Variants in IL11RA observed in about 807,000 individuals in gnomAD.
IL11RA encodes interleukin 11 receptor subunit alpha.
A neutral mutation model predicts 57.0 loss-of-function variants in IL11RA; 51 were observed. The ratio of observed to expected loss-of-function variants is 0.89; its 90% CI spans 0.71 to 1.13. IL11RA has a LOEUF of 1.13. Ranked by LOEUF, IL11RA falls within the 50% of genes most tolerant of loss-of-function variation. The pLI is 0.00. For synonymous variants in IL11RA, 199 were observed against 217.5 expected (o/e 0.91, Z 0.75); for missense variants, 498 against 539.4 (o/e 0.92, Z 0.76).
intron 1 of IL11RA, among the ~76,000 whole-genome samples, chr9:34,654,590 A>G (rs1458992408): frequency 6.6e-6 from 1 of 152,178 alleles, no homozygotes; most frequent in Non-Finnish European, 1.5e-5. Context: ...CTGGAGACCA[A>G]CGAAGTGTCA....
chr9:34,655,065 C>A, intron 1 of IL11RA, 153 bp from the exon 2 acceptor site: 1 of 680,932 alleles, frequency 1.5e-6, no homozygotes, highest in Non-Finnish European at 2.7e-6. Context: ...GGAAAGGGGA[C>A]CTCAGGTCAG....
rs563182953 is a variant in IL11RA at position 34,661,812 on chromosome 9, T to A, written c.*314T>A. On this transcript the variant is annotated 3_prime_UTR_variant, in exon 13 of 13. Coordinates refer to ENST00000441545, the MANE Select transcript of IL11RA (RefSeq NM_001142784.3). Reference sequence around the variant, plus strand: ...TATGTAGGTGCCTGGGGAGTGTGTGTGGGTCCTTGGCTCTTGGCCTTTCCC... The same window carrying A: ...TATGTAGGTGCCTGGGGAGTGTGTGAGGGTCCTTGGCTCTTGGCCTTTCCC... 1.5e-4 allele frequency: 154 copies of A among 1,021,640 alleles called. No individual in the cohort carries two copies. The highest frequency in any genetic ancestry group is 1.6e-4 in the Non-Finnish European group (110 of 678,538). 63.3% of individuals were successfully genotyped at this position (1,021,640 alleles called of 1,614,324 possible).
Position 34,660,602 on chromosome 9 carries a change from T to C in IL11RA, c.1169+2T>C, listed in dbSNP as rs1587249551. ...TGGGGCCCTGGCACTGGGGCTCTGG[T>C]AAGTGACTGCCATTGGTCCCTCAGC... On this transcript the variant is annotated splice_donor_variant, in intron 11 of 12. Transcript: ENST00000441545. LOFTEE classifies it high-confidence loss of function. 1.2e-6 allele frequency: 2 copies of C among 1,611,072 alleles called. No homozygotes were observed. Among genetic ancestry groups the C allele is most frequent in the Non-Finnish European group, 8.5e-7 (1 of 1,177,336 alleles).
intron 1 of IL11RA, among the ~76,000 whole-genome samples, chr9:34,652,547 A>G (rs1197985926): frequency 6.6e-6 from 1 of 151,982 alleles, no homozygotes; most frequent in Non-Finnish European, 1.5e-5. Context: ...CTGTGACCAC[A>G]TGAGGGAATG....
In IL11RA at chr9:34,655,594, G is replaced by A. The variant is rs765232812; in HGVS notation, c.101-11G>A. 1.1e-4 allele frequency: 175 copies of A among 1,613,694 alleles called. 2 individuals are homozygous for A. In the Middle Eastern group the frequency reaches 3.0e-3, roughly 27 times the overall value. ...AAAGGAAGAGCCTTACCTCAGAAGT[G>A]CCCTCCACAGGGGTCCAGTATGGGC... is the stretch of plus-strand genomic sequence containing the variant. On this transcript the variant is annotated splice_polypyrimidine_tract_variant and intron_variant, in intron 2 of 12. Transcript: ENST00000441545.
In IL11RA at chr9:34,659,895, G is replaced by T; in HGVS notation, c.947G>T (p.Ser316Ile). ...AGCCCGGAGGCCTGGGGAACTCCGA[G>T]CACTGGTGAGAGACAAAGCCAAAGA... ...TWSPEAWGTP[S>I]TGTIPKEIPA... Residue 316 changes from serine to isoleucine, a missense_variant, in exon 9 of 13, where the codon AGC becomes ATC. Transcript: ENST00000441545. 6.2e-7 allele frequency: 1 copy of T among 1,614,144 alleles called. No homozygotes were observed. Among genetic ancestry groups the T allele is most frequent in the Non-Finnish European group, 8.5e-7 (1 of 1,179,990 alleles).
chr9:34,661,691 G>A lies in IL11RA; in HGVS notation c.*193G>A. 1 of 740,848 alleles carries A rather than the reference G, an allele frequency of 1.3e-6. No homozygotes were observed. The highest frequency in any genetic ancestry group is 2.4e-6 in the Non-Finnish European group (1 of 425,172). The allele number at this position is 740,848 out of a possible 1,614,324, so 45.9% of individuals were successfully genotyped here. ...GTACCTCTGATTTCACCCCAGAGTT[G>A]GAGTTCTGCTCAAGGAACGTGTGTA... On this transcript the variant is annotated 3_prime_UTR_variant, in exon 13 of 13. Transcript: ENST00000441545.
In IL11RA at chr9:34,661,552, G is replaced by GGATGGATGGACA. The variant is rs56079949; in HGVS notation, c.*57_*58insGGATGGACAGAT. On this transcript the variant is annotated 3_prime_UTR_variant, in exon 13 of 13. Coordinates refer to ENST00000441545, the MANE Select transcript of IL11RA (RefSeq NM_001142784.3). ...ACCTATAATTCTGTCTTGCTGGTGT[G>GGATGGATGGACA]GATAGAAACCAGGCAGGACAGTAGA... The GGATGGATGGACA allele has an allele frequency of 0.059, 92,101 of 1,570,370 alleles. 3,079 individuals are homozygous for GGATGGATGGACA. The highest frequency in any genetic ancestry group is 0.074 in the South Asian group (6,686 of 90,252).
Position 34,658,191 on chromosome 9 carries a change from C to T in IL11RA, c.647-329C>T, listed in dbSNP as rs1483337765. On this transcript the variant is annotated intron_variant, in intron 7 of 12. Coordinates refer to ENST00000441545, the MANE Select transcript of IL11RA (RefSeq NM_001142784.3). This position sits in a 1 kb window ranked among gnomAD's most constrained non-coding sequence, Gnocchi z 4.0. ...AAGTAGCTGGGATTACAGGCATGTG[C>T]CACCATGTCTGGTTAATTTTTAAAA... is the stretch of plus-strand genomic sequence containing the variant. Among the ~76,000 whole-genome samples, 1 of 152,186 alleles carries T rather than the reference C, an allele frequency of 6.6e-6. No individual in the cohort carries two copies. Among genetic ancestry groups the T allele is most frequent in the Non-Finnish European group, 1.5e-5 (1 of 68,040 alleles).
At position 34,661,723 on chromosome 9, in the gene IL11RA, A is replaced by C; in HGVS notation, c.*225A>C. ...TGCTCAAGGAACGTGTGTAATGTGTACATCTGTGTCCATGTGTGACCATGT... is the reference window on the plus strand; with the variant it reads ...TGCTCAAGGAACGTGTGTAATGTGTCCATCTGTGTCCATGTGTGACCATGT... On this transcript the variant is annotated 3_prime_UTR_variant, in exon 13 of 13. Coordinates refer to ENST00000441545, the MANE Select transcript of IL11RA (RefSeq NM_001142784.3). 3 of 703,496 alleles carry C rather than the reference A, an allele frequency of 4.3e-6. No homozygotes were observed. Among genetic ancestry groups the C allele is most frequent in the Middle Eastern group, 3.5e-4 (1 of 2,886 alleles). 43.6% of individuals were successfully genotyped at this position (703,496 alleles called of 1,614,324 possible). A position where few individuals can be genotyped will look rare whatever the true frequency, so the allele number is the denominator to read the frequency against.
chr9:34,654,702 G>A (rs886682845), intron 1 of IL11RA, among the ~76,000 whole-genome samples: 7 of 152,194 alleles, frequency 4.6e-5, no homozygotes, highest in Admixed American at 1.3e-4. Context: ...GGGTGGGAGT[G>A]CAGGATGGGC....
Position 34,658,386 on chromosome 9 carries a change from T to C in IL11RA, c.647-134T>C. 1.1e-6 allele frequency: 1 copy of C among 906,672 alleles called. No individual in the cohort carries two copies. Among genetic ancestry groups the C allele is most frequent in the South Asian group, 1.4e-5 (1 of 72,960 alleles). The allele number at this position is 906,672 out of a possible 1,614,324, so 56.2% of individuals were successfully genotyped here. A position where few individuals can be genotyped will look rare whatever the true frequency, so the allele number is the denominator to read the frequency against. The stretch of plus-strand genomic sequence containing the variant: ...AGATGACCGGTCTGAGTCTAATGGA[T>C]GATCAAGTTTAAGATTTCCCCTCCC... On this transcript the variant is annotated intron_variant, in intron 7 of 12. Coordinates refer to ENST00000441545, the MANE Select transcript of IL11RA (RefSeq NM_001142784.3). This position sits in a 1 kb window ranked among gnomAD's most constrained non-coding sequence, Gnocchi z 4.0.
intron 4 of IL11RA, 30 bp downstream of exon 4, chr9:34,656,938 C>T (rs372764074): frequency 3.1e-6 from 5 of 1,613,550 alleles, no homozygotes; most frequent in South Asian, 1.1e-5. Context: ...ACTGATGACA[C>T]ATAGGGATCC....
intron 9 of IL11RA, 25 bp downstream of exon 9, chr9:34,659,925 G>C (rs1056427467): frequency 1.2e-6 from 2 of 1,612,622 alleles, no homozygotes; most frequent in African/African-American, 2.7e-5. Context: ...CAAAGAAAAG[G>C]GCAGAGGCCC....
At chr9:34,660,738 C>T in intron 11 of IL11RA, 116 bp from the exon 12 acceptor site, 2 of 1,182,220 alleles carry the variant, frequency 1.7e-6, no homozygotes, top group East Asian at 2.3e-5. Flanking sequence ...ACCTCCATCC[C>T]CCATGCCCCA....
In IL11RA at chr9:34,661,700, C is replaced by A; in HGVS notation, c.*202C>A. ...ATTTCACCCCAGAGTTGGAGTTCTG[C>A]TCAAGGAACGTGTGTAATGTGTACA... On this transcript the variant is annotated 3_prime_UTR_variant, in exon 13 of 13. Coordinates refer to ENST00000441545, the MANE Select transcript of IL11RA (RefSeq NM_001142784.3). The A allele has an allele frequency of 1.4e-6, 1 of 729,610 alleles. No homozygotes were observed. Among genetic ancestry groups the A allele is most frequent in the Non-Finnish European group, 2.4e-6 (1 of 418,726 alleles). 45.2% of individuals were successfully genotyped at this position (729,610 alleles called of 1,614,324 possible). A position where few individuals can be genotyped will look rare whatever the true frequency, so the allele number is the denominator to read the frequency against.
Position 34,661,822 on chromosome 9 carries a change from GC to G in IL11RA, c.*325del. The G allele has an allele frequency of 8.6e-7, 1 of 1,168,866 alleles. No individual in the cohort carries two copies. The highest frequency in any genetic ancestry group is 1.2e-6 in the Non-Finnish European group (1 of 810,282). 72.4% of individuals were successfully genotyped at this position (1,168,866 alleles called of 1,614,324 possible). On this transcript the variant is annotated 3_prime_UTR_variant, in exon 13 of 13. Coordinates refer to ENST00000441545, the MANE Select transcript of IL11RA (RefSeq NM_001142784.3). The stretch of plus-strand genomic sequence containing the variant: ...CCTGGGGAGTGTGTGTGGGTCCTTG[GC>G]TCTTGGCCTTTCCCCTTGCAGGGGT...
Position 34,658,523 on chromosome 9 carries a change from G to T in IL11RA, c.650G>T (p.Arg217Leu), listed in dbSNP as rs369301453. The T allele has an allele frequency of 4.3e-6, 7 of 1,614,004 alleles. No homozygotes were observed. Among genetic ancestry groups the T allele is most frequent in the Admixed American group, 1.7e-5 (1 of 60,006 alleles). Reference sequence around the variant, plus strand: ...CTTTGTGTCTTGATGCCCTTAGTGCGCCCTGACCCACCCCAGGGCCTGCGG... The same window carrying T: ...CTTTGTGTCTTGATGCCCTTAGTGCTCCCTGACCCACCCCAGGGCCTGCGG... Reference protein sequence around the residue: ...LLDVSLQSILRPDPPQGLRVE... With the variant: ...LLDVSLQSILLPDPPQGLRVE... The change falls in exon 8 of 13, where the codon CGC becomes CTC. Residue 217 changes from arginine to leucine, a missense_variant. Physicochemically the swap from Arg to Leu is moderately radical, Grantham distance 102. Transcript: ENST00000441545. This position sits in a 1 kb window ranked among gnomAD's most constrained non-coding sequence, Gnocchi z 4.0.
Position 34,660,525 on chromosome 9 carries a change from A to G in IL11RA, c.1094A>G (p.Gln365Arg), listed in dbSNP as rs926446398. 6.2e-7 allele frequency: 1 copy of G among 1,614,056 alleles called. No individual in the cohort carries two copies. Among genetic ancestry groups the G allele is most frequent in the African/African-American group, 1.3e-5 (1 of 74,954 alleles). Residue 365 changes from glutamine (Q) to arginine (R), a missense_variant, in exon 11 of 13, where the codon CAG (glutamine) becomes CGG (arginine). Gln to Arg is a conservative substitution (Grantham distance 43, BLOSUM62 1). Transcript: ENST00000441545. ...TCAGATCACAGGGACTCTGTGGAGC[A>G]GGTAGCTGTGCTGGCGTCTTTGGGA... is the stretch of plus-strand genomic sequence containing the variant. Reference protein sequence around the residue: ...RLLDHRDSVEQVAVLASLGIL... With the variant: ...RLLDHRDSVERVAVLASLGIL...
Sources: gnomAD v4.1 joint callset for allele counts (sites outside exome capture counted in the v4.1 genomes callset) on GRCh38, gnomAD v4.1.1 for gene constraint, Gnocchi (gnomAD v3.1) non-coding constraint, MANE v1.5 for transcripts, NCBI Gene and HGNC (gene_info 2026-07-23, HGNC 2026-07-21) for gene names.